MCM9: variants seen among roughly 807,000 people sequenced by gnomAD.
The protein encoded by MCM9 is DNA helicase MCM9.
A neutral mutation model predicts 72.8 loss-of-function variants in MCM9; 55 were observed. The ratio of observed to expected loss-of-function variants is 0.76; its 90% CI spans 0.61 to 0.95. The LOEUF is 0.95. Among genes scored for constraint, MCM9 ranks in the 40% least tolerant of loss-of-function variants. MCM9 has a pLI of 0.00. For missense variants in MCM9, 1,279 were observed against 1,377.0 expected (o/e 0.93, Z 1.13); for synonymous variants, 480 against 503.4 (o/e 0.95, Z 0.62).
rs370026912 is a variant in MCM9, at chr6:118,931,662, T to C, written c.62A>G (p.His21Arg). 1.5e-4 allele frequency: 235 copies of C among 1,614,144 alleles called. No homozygotes were observed. The South Asian group carries it at 2.1e-3, about 14-fold the overall frequency. Residue 21 changes from histidine to arginine, a missense_variant, in exon 3 of 14, where the codon CAT becomes CGT. Transcript: ENST00000619706. Reference sequence around the variant, plus strand: ...CAAGATTAGAAGAATATCATTCTTATGGTATTCCGAAACATATGACTCAAA... The same window carrying C: ...CAAGATTAGAAGAATATCATTCTTACGGTATTCCGAAACATATGACTCAAA... ...QVFESYVSEY[H>R]KNDILLILKE...
intron 7 of MCM9, chr6:118,912,366 G>T (rs1780617416): frequency 6.6e-6 from 1 of 152,062 alleles, no homozygotes; most frequent in African/African-American, 2.4e-5. Flanking sequence ...GAAAATTTTA[G>T]TAACTTAGTG....
Position 118,838,159 on chromosome 6 carries a change from C to CTTTTTTT in MCM9, c.1326-8916_1326-8910dup, listed in dbSNP as rs759862698. 1.0e-3 allele frequency among the ~76,000 whole-genome samples: 120 copies of CTTTTTTT among 119,684 alleles called. 1 individual carries two copies. Among genetic ancestry groups the CTTTTTTT allele is most frequent in the South Asian group, 5.8e-3 (21 of 3,630 alleles). The allele number at this position is 119,684 out of a possible 152,430, so 78.5% of individuals were successfully genotyped here. On this transcript the variant is annotated intron_variant, in intron 9 of 13. Transcript: ENST00000619706. ...CATGTTAAATTTTGGGTTGAAAATT[C>CTTTTTTT]TTTTTTTTTTTTTTTTTTTGAGACG...
At chr6:118,877,764 T>G (rs1480420796) in intron 8 of MCM9, among the ~76,000 whole-genome samples, 1 of 152,212 alleles carries the variant, frequency 6.6e-6, no homozygotes. Context: ...CATCATAAAA[T>G]TCTTCATAAT....
chr6:118,893,880 A>G (rs1291619526), intron 8 of MCM9: 2 of 299,834 alleles, frequency 6.7e-6, no homozygotes, highest in South Asian at 1.3e-4. Context: ...AAACACCCAC[A>G]CGAAGCCAAC....
At chr6:118,878,211 A>G (rs1778063182) in intron 8 of MCM9, among the ~76,000 whole-genome samples, 1 of 152,172 alleles carries the variant, frequency 6.6e-6, no homozygotes, top group Non-Finnish European at 1.5e-5. Context: ...TAAACACAAT[A>G]TGGAGAGAAT....
chr6:118,869,481 A>G (rs1777440837), intron 8 of MCM9, among the ~76,000 whole-genome samples: 1 of 151,914 alleles, frequency 6.6e-6, no homozygotes, highest in African/African-American at 2.4e-5. Context: ...GCCTCAGGGT[A>G]AACACAGAAC....
intron 9 of MCM9, among the ~76,000 whole-genome samples, chr6:118,843,655 T>TACACACAA (rs1491542240): frequency 2.6e-5 from 1 of 38,616 alleles, no homozygotes; most frequent in African/African-American, 9.9e-5. Context: ...TATATATATA[T>TACACACAA]GTGTATATAT....
intron 8 of MCM9, among the ~76,000 whole-genome samples, chr6:118,880,574 T>C (rs563356078): frequency 6.6e-6 from 1 of 152,320 alleles, no homozygotes; most frequent in African/African-American, 2.4e-5. Flanking sequence ...TTCCCACTTT[T>C]GTTAATTCCT....
At chr6:118,878,105 T>A (rs1263984626) in intron 8 of MCM9, among the ~76,000 whole-genome samples, 6 of 152,114 alleles carry the variant, frequency 3.9e-5, no homozygotes, top group African/African-American at 1.4e-4. Flanking sequence ...CAGGCTGCAG[T>A]GAGCTATGAT....
intron 9 of MCM9, among the ~76,000 whole-genome samples, chr6:118,855,520 C>G (rs998400692): frequency 3.9e-5 from 6 of 151,928 alleles, no homozygotes; most frequent in Non-Finnish European, 8.8e-5. Flanking sequence ...ACTCTCCCCC[C>G]CTCCCTCTAC....
intron 8 of MCM9, among the ~76,000 whole-genome samples, chr6:118,894,731 C>G (rs968653653): frequency 2.0e-5 from 3 of 152,110 alleles, no homozygotes; most frequent in African/African-American, 7.3e-5. Context: ...GCTCAACTTG[C>G]GAGGAACTTG....
intron 9 of MCM9, among the ~76,000 whole-genome samples, chr6:118,835,528 A>G (rs1774897015): frequency 6.6e-6 from 1 of 152,016 alleles, no homozygotes; most frequent in Non-Finnish European, 1.5e-5. Context: ...TATTTCCTTG[A>G]GCAGTGGTTT....
intron 3 of MCM9, among the ~76,000 whole-genome samples, chr6:118,928,263 T>G (rs1054095485): frequency 6.6e-6 from 1 of 151,996 alleles, no homozygotes; most frequent in African/African-American, 2.4e-5. Flanking sequence ...ATACAAAAAT[T>G]AGCCGGGTGT....
rs915832159 is a variant in MCM9 at position 118,922,155 on chromosome 6, T to C, written c.622-69A>G. ...TGTTAAGTATCCAGAAGTCTAGCAGTACTTGAAATTACTATTTTTATTTCT... is the reference window on the plus strand; with the variant it reads ...TGTTAAGTATCCAGAAGTCTAGCAGCACTTGAAATTACTATTTTTATTTCT... On this transcript the variant is annotated intron_variant, in intron 4 of 13. Transcript: ENST00000619706. 2.5e-5 allele frequency: 27 copies of C among 1,082,240 alleles called. No homozygotes were observed. The East Asian group carries it at 6.8e-4, about 27-fold the overall frequency. 67.0% of individuals were successfully genotyped at this position (1,082,240 alleles called of 1,614,324 possible).
chr6:118,931,350 C>A (rs368920933), intron 3 of MCM9, 70 bp downstream of exon 3: 1 of 1,249,308 alleles, frequency 8.0e-7, no homozygotes, highest in African/African-American at 1.5e-5. Flanking sequence ...TCTTAGTGTT[C>A]TAAATCTAGT....
At chr6:118,899,384 C>G (rs1779655030) in intron 8 of MCM9, among the ~76,000 whole-genome samples, 1 of 152,174 alleles carries the variant, frequency 6.6e-6, no homozygotes, top group Non-Finnish European at 1.5e-5. Flanking sequence ...TCCTTCCTTT[C>G]ATTCTGCTCC....
chr6:118,891,971 T>C (rs1268334060), intron 8 of MCM9, among the ~76,000 whole-genome samples: 4 of 152,212 alleles, frequency 2.6e-5, no homozygotes, highest in Admixed American at 2.6e-4. Context: ...AATTAGATGT[T>C]TGGGAGTCAC....
chr6:118,850,890 T>C (rs1168391771), intron 9 of MCM9, among the ~76,000 whole-genome samples: 1 of 151,856 alleles, frequency 6.6e-6, no homozygotes, highest in Admixed American at 6.6e-5. Context: ...AGTGGCGTGA[T>C]CATAGCTCAT....
At position 118,917,676 on chromosome 6, in the gene MCM9, C is replaced by G. The variant is rs1781075837; in HGVS notation, c.789G>C (p.Leu263=). 2 of 1,614,170 alleles carry G rather than the reference C, an allele frequency of 1.2e-6. No homozygotes were observed. Among genetic ancestry groups the G allele is most frequent in the Middle Eastern group, 1.6e-4 (1 of 6,062 alleles). Residue 263 remains leucine, a synonymous_variant, in exon 6 of 14, where the codon CTG becomes CTC. Transcript: ENST00000619706. ...QDVRCEVEIV[L]KANYIQVNNE... is the part of the protein sequence containing the mutation. ...TATTTACTTGGATGTAATTTGCTTT[C>G]AGGACTATCTCCACTTCACAGCGCA...
Sources: gnomAD v4.1 joint callset for allele counts (sites outside exome capture counted in the v4.1 genomes callset) on GRCh38, gnomAD v4.1.1 for gene constraint, MANE v1.5 for transcripts, NCBI Gene and HGNC (gene_info 2026-07-23, HGNC 2026-07-21) for gene names.